The following GALNT17 variants were observed in gnomAD, a reference collection of about 807,000 sequenced individuals.
GALNT17 encodes UDP-GalNAc:polypeptide N-acetylgalactosaminyltransferase-like 3.
GALNT17 carries 29 observed loss-of-function variants against 63.7 expected under a neutral mutation model. That is an observed-to-expected ratio of 0.46 (90% CI 0.34 to 0.62). The LOEUF is 0.62. Among genes scored for constraint, GALNT17 ranks in the 20% least tolerant of loss-of-function variants. The pLI, the probability that GALNT17 is intolerant of heterozygous loss-of-function variation, is 0.01. For synonymous variants in GALNT17, 305 were observed against 318.3 expected (o/e 0.96, Z 0.45); for missense variants, 603 against 799.6 (o/e 0.75, Z 2.97).
At chr7:71,360,524 A>G (rs1356538131) in intron 2 of GALNT17, among the ~76,000 whole-genome samples, 1 of 152,222 alleles carries the variant, frequency 6.6e-6, no homozygotes, top group Non-Finnish European at 1.5e-5. Flanking sequence ...CCTGATCTAT[A>G]TATAATTACA....
intron 1 of GALNT17, among the ~76,000 whole-genome samples, chr7:71,288,562 A>G (rs922931174): frequency 1.3e-5 from 2 of 152,192 alleles, no homozygotes; most frequent in Non-Finnish European, 2.9e-5. Flanking sequence ...TTTCGGAAGC[A>G]GGTTGCAAAC....
intron 1 of GALNT17, among the ~76,000 whole-genome samples, chr7:71,331,198 C>T (rs1791801548): frequency 6.6e-6 from 1 of 152,182 alleles, no homozygotes; most frequent in South Asian, 2.1e-4. Context: ...TCCTCCTTCT[C>T]TTTCAGCCTT....
At chr7:71,216,615 GAC>G (rs199932828) in intron 1 of GALNT17, among the ~76,000 whole-genome samples, 61,240 of 150,324 alleles carry the variant, frequency 0.41, 13,057 homozygotes, top group East Asian at 0.63. Context: ...CATACACACA[GAC>G]ACACACACAC....
chr7:71,345,176 A>T (rs1229287467), intron 2 of GALNT17, among the ~76,000 whole-genome samples: 2 of 143,464 alleles, frequency 1.4e-5, no homozygotes, highest in Non-Finnish European at 3.0e-5. Context: ...TTTTGCTGAG[A>T]CATACCATTC....
intron 5 of GALNT17, among the ~76,000 whole-genome samples, chr7:71,466,951 G>A (rs1197138979): frequency 6.7e-6 from 1 of 149,580 alleles, no homozygotes; most frequent in Non-Finnish European, 1.5e-5. Context: ...TCCACCTTGG[G>A]CACATGTGCT....
chr7:71,559,795 G>T (rs1789222418), intron 5 of GALNT17, among the ~76,000 whole-genome samples: 1 of 151,968 alleles, frequency 6.6e-6, no homozygotes, highest in African/African-American at 2.4e-5. Context: ...GGGAGATCGA[G>T]GCTGCAGTGA....
At chr7:71,651,250 G>A (rs1790750574) in intron 6 of GALNT17, among the ~76,000 whole-genome samples, 1 of 149,436 alleles carries the variant, frequency 6.7e-6, no homozygotes, top group African/African-American at 2.4e-5. Context: ...AAGGAAGGGA[G>A]GTGGGGAGAA....
chr7:71,689,407 A>G (rs1290934428), intron 9 of GALNT17, among the ~76,000 whole-genome samples: 2 of 152,234 alleles, frequency 1.3e-5, no homozygotes, highest in African/African-American at 4.8e-5. Context: ...TAAGAAAGCA[A>G]AACAGCCTCA....
At chr7:71,601,689 G>A (rs1453131648) in intron 6 of GALNT17, among the ~76,000 whole-genome samples, 1 of 152,132 alleles carries the variant, frequency 6.6e-6, no homozygotes, top group African/African-American at 2.4e-5. Flanking sequence ...GGAGACTGGA[G>A]CAGGAGGATC....
At chr7:71,141,111 G>A (rs189886904) in intron 1 of GALNT17, among the ~76,000 whole-genome samples, 4 of 152,052 alleles carry the variant, frequency 2.6e-5, no homozygotes, top group East Asian at 1.9e-4. Flanking sequence ...ACTCACGCCT[G>A]TAATCCCAGC....
At chr7:71,158,810 C>T (rs1179834355) in intron 1 of GALNT17, among the ~76,000 whole-genome samples, 8 of 151,600 alleles carry the variant, frequency 5.3e-5, no homozygotes, top group African/African-American at 1.5e-4. Context: ...CTCCTGACCT[C>T]GTGGTCCACC....
chr7:71,528,421 G>A (rs1788660144), intron 5 of GALNT17, among the ~76,000 whole-genome samples: 1 of 152,144 alleles, frequency 6.6e-6, no homozygotes, highest in Admixed American at 6.6e-5. Flanking sequence ...CCAAATCATG[G>A]TGGCCTCCCC....
chr7:71,595,660 GACACACACACACACACACACAC>G (rs61389262), intron 6 of GALNT17, among the ~76,000 whole-genome samples: 1 of 142,694 alleles, frequency 7.0e-6, no homozygotes, highest in Non-Finnish European at 1.5e-5. Context: ...GAGAGACTGA[GACACACACACACACACACACAC>G]ACACACACAC....
At chr7:71,557,538 G>A (rs1019494319) in intron 5 of GALNT17, among the ~76,000 whole-genome samples, 4 of 152,044 alleles carry the variant, frequency 2.6e-5, no homozygotes, top group Non-Finnish European at 4.4e-5. Context: ...TCATGCCTGT[G>A]ATCTAGCAAT....
At chr7:71,546,540 G>C (rs531107771) in intron 5 of GALNT17, among the ~76,000 whole-genome samples, 5 of 152,296 alleles carry the variant, frequency 3.3e-5, no homozygotes, top group Admixed American at 3.3e-4. Flanking sequence ...TAGATTTTCT[G>C]AATGCAAGCA....
chr7:71,445,492 C>T (rs561017304), intron 5 of GALNT17, among the ~76,000 whole-genome samples: 4 of 148,914 alleles, frequency 2.7e-5, no homozygotes, highest in Non-Finnish European at 6.0e-5. Flanking sequence ...CCACTGCGCC[C>T]GGCCAGGGTG....
intron 8 of GALNT17, among the ~76,000 whole-genome samples, chr7:71,674,356 A>G (rs1456684207): frequency 6.6e-6 from 1 of 151,908 alleles, no homozygotes; most frequent in Non-Finnish European, 1.5e-5. Flanking sequence ...TTTTAAAAAA[A>G]AAAAAAAGAG....
At chr7:71,195,519 A>G (rs1448469063) in intron 1 of GALNT17, among the ~76,000 whole-genome samples, 2 of 152,028 alleles carry the variant, frequency 1.3e-5, no homozygotes, top group East Asian at 3.9e-4. Context: ...AGCTGGGACC[A>G]CAGGCATCTG....
intron 6 of GALNT17, among the ~76,000 whole-genome samples, chr7:71,592,037 T>C (rs987960785): frequency 1.3e-5 from 2 of 152,220 alleles, no homozygotes; most frequent in African/African-American, 4.8e-5. Context: ...GTCTGTCAGT[T>C]GCCTGTGGTG....
Sources: allele counts gnomAD v4.1 joint callset (sites outside exome capture counted in the v4.1 genomes callset), GRCh38; gene constraint gnomAD v4.1.1; transcripts MANE v1.5; gene names NCBI Gene and HGNC (gene_info 2026-07-23, HGNC 2026-07-21).